Variants in FAM227B observed in about 807,000 individuals in gnomAD.
The protein encoded by FAM227B is family with sequence similarity 227 member B, also known as protein FAM227B.
Under a neutral mutation model 73.8 loss-of-function variants are expected in FAM227B, and 88 were observed. The observed-to-expected ratio is 1.19, with a 90% confidence interval of 1.00 to 1.42. The LOEUF (loss-of-function observed/expected upper bound fraction) is 1.42. Among genes scored for constraint, FAM227B ranks in the 40% most tolerant of loss-of-function variants. FAM227B has a pLI of 0.00. For missense variants in FAM227B, 632 were observed against 590.9 expected (o/e 1.07, Z -0.72); for synonymous variants, 210 against 190.5 (o/e 1.10, Z -0.84).
At position 49,476,403 on chromosome 15, in the gene FAM227B, C is replaced by T. The variant is rs1411958332; in HGVS notation, c.1012+31808G>A. Among the ~76,000 whole-genome samples the T allele has an allele frequency of 5.3e-5, 8 of 151,792 alleles. No homozygotes were observed. In the South Asian group the frequency reaches 1.0e-3, roughly 20 times the overall value. Reference sequence around the variant, plus strand: ...CTAAAATATTACTGGCTCTTGTTTTCCATTCCCAAACACCTGAGAGATACT... The same window carrying T: ...CTAAAATATTACTGGCTCTTGTTTTTCATTCCCAAACACCTGAGAGATACT... On this transcript the variant is annotated intron_variant, in intron 11 of 15. Coordinates refer to ENST00000299338, the MANE Select transcript of FAM227B (RefSeq NM_152647.3).
chr15:49,421,521 G>A (rs2151733782), intron 11 of FAM227B, among the ~76,000 whole-genome samples: 1 of 152,206 alleles, frequency 6.6e-6, no homozygotes, highest in Admixed American at 6.5e-5. Flanking sequence ...CAGATATTAA[G>A]GAGGCACTAA....
At chr15:49,436,061 A>AG (rs1237904899) in intron 11 of FAM227B, among the ~76,000 whole-genome samples, 1 of 151,672 alleles carries the variant, frequency 6.6e-6, no homozygotes, top group East Asian at 2.0e-4. Context: ...ATTTCACGGA[A>AG]GAAAAAAAAG....
chr15:49,570,633 C>T (rs2075025109), intron 8 of FAM227B, among the ~76,000 whole-genome samples: 1 of 151,472 alleles, frequency 6.6e-6, no homozygotes, highest in Non-Finnish European at 1.5e-5. Flanking sequence ...CATTTCTCCC[C>T]ACCCTCGGCC....
intron 11 of FAM227B, among the ~76,000 whole-genome samples, chr15:49,455,146 G>T (rs1263947333): frequency 6.6e-6 from 1 of 152,082 alleles, no homozygotes; most frequent in Non-Finnish European, 1.5e-5. Context: ...CTGTTAATTG[G>T]CGTCTCAGGT....
intron 11 of FAM227B, chr15:49,424,626 T>C: frequency 7.1e-7 from 1 of 1,414,402 alleles, no homozygotes; most frequent in Non-Finnish European, 9.5e-7. Context: ...AGCAATCTGT[T>C]AATGGATCAA....
intron 13 of FAM227B, among the ~76,000 whole-genome samples, chr15:49,363,599 T>C (rs1421633209): frequency 6.6e-6 from 1 of 152,170 alleles, no homozygotes; most frequent in Non-Finnish European, 1.5e-5. Context: ...TCTGTTCTTA[T>C]TTGAATGCCT....
chr15:49,345,994 GA>G (rs1459216581), intron 13 of FAM227B, among the ~76,000 whole-genome samples: 3 of 151,940 alleles, frequency 2.0e-5, no homozygotes, highest in African/African-American at 7.3e-5. Context: ...TTGAAACCAA[GA>G]GGTTAATTTG....
At chr15:49,364,682 G>A (rs1474308970) in intron 13 of FAM227B, among the ~76,000 whole-genome samples, 1 of 152,006 alleles carries the variant, frequency 6.6e-6, no homozygotes, top group Non-Finnish European at 1.5e-5. Context: ...TTTCACCGTT[G>A]AACTGCCTTC....
intron 10 of FAM227B, among the ~76,000 whole-genome samples, chr15:49,536,572 T>A (rs1352207188): frequency 6.6e-6 from 1 of 152,032 alleles, no homozygotes; most frequent in East Asian, 1.9e-4. Context: ...ATTCTAAAAT[T>A]TGTATAGAAC....
chr15:49,439,430 G>C (rs568234290), intron 11 of FAM227B, among the ~76,000 whole-genome samples: 1 of 151,622 alleles, frequency 6.6e-6, no homozygotes, highest in Non-Finnish European at 1.5e-5. Flanking sequence ...AGTAAAACGT[G>C]GGGGGAGGGA....
intron 5 of FAM227B, among the ~76,000 whole-genome samples, chr15:49,587,249 A>G (rs756963197): frequency 3.4e-4 from 51 of 152,218 alleles, no homozygotes; most frequent in Non-Finnish European, 1.5e-5. Flanking sequence ...CAAATACTGC[A>G]TGTTCTCACT....
chr15:49,495,140 C>A (rs547855076), intron 11 of FAM227B, among the ~76,000 whole-genome samples: 1 of 152,128 alleles, frequency 6.6e-6, no homozygotes, highest in Admixed American at 6.5e-5. Context: ...AAAATTAAAC[C>A]CAGCCCCTCT....
At chr15:49,383,208 C>T (rs925445889) in intron 11 of FAM227B, among the ~76,000 whole-genome samples, 2 of 152,034 alleles carry the variant, frequency 1.3e-5, no homozygotes, top group Non-Finnish European at 2.9e-5. Flanking sequence ...GATGAGATTA[C>T]ACAGTAAAAC....
Position 49,555,147 on chromosome 15 carries a change from T to C in FAM227B, c.747+13098A>G, listed in dbSNP as rs569838490. ...TTTTTAGCTGGTTATTATGCAGACT[T>C]CTTTATGTGATTGCTTTATAATGTT... is the stretch of plus-strand genomic sequence containing the variant. On this transcript the variant is annotated intron_variant, in intron 9 of 15. Transcript: ENST00000299338. Among the ~76,000 whole-genome samples, 6 of 152,338 alleles carry C rather than the reference T, an allele frequency of 3.9e-5. No individual in the cohort carries two copies. The East Asian group carries it at 9.6e-4, about 24-fold the overall frequency.
At chr15:49,455,095 T>C (rs1018359054) in intron 11 of FAM227B, among the ~76,000 whole-genome samples, 12 of 152,114 alleles carry the variant, frequency 7.9e-5, no homozygotes, top group African/African-American at 2.9e-4. Context: ...TAAAGCATAT[T>C]CTCTAGGCCT....
chr15:49,451,379 G>T (rs2151886062), intron 11 of FAM227B, among the ~76,000 whole-genome samples: 1 of 152,052 alleles, frequency 6.6e-6, no homozygotes, highest in East Asian at 1.9e-4. Context: ...TCTGTAAAGT[G>T]TTGAATAGTA....
intron 11 of FAM227B, among the ~76,000 whole-genome samples, chr15:49,472,622 A>G (rs1253567598): frequency 6.6e-6 from 1 of 152,188 alleles, no homozygotes; most frequent in Non-Finnish European, 1.5e-5. Flanking sequence ...AAAGTTGGGG[A>G]GAAAAATGCG....
At chr15:49,487,762 T>C (rs1478704701) in intron 11 of FAM227B, 3 of 151,928 alleles carry the variant, frequency 2.0e-5, no homozygotes, top group Non-Finnish European at 4.4e-5. Context: ...CTCTTAAGAC[T>C]CATGTGATTT....
chr15:49,424,371 T>G (rs1336125790), intron 11 of FAM227B: 1 of 1,613,714 alleles, frequency 6.2e-7, no homozygotes, highest in Non-Finnish European at 8.5e-7. Context: ...ATCTGTCTAG[T>G]GGGTACTATA....
Sources: gnomAD v4.1 joint callset for allele counts (sites outside exome capture counted in the v4.1 genomes callset) on GRCh38, gnomAD v4.1.1 for gene constraint, MANE v1.5 for transcripts, NCBI Gene and HGNC (gene_info 2026-07-23, HGNC 2026-07-21) for gene names.